The following GALNT13 variants were observed in gnomAD, a reference collection of about 807,000 sequenced individuals.
The protein encoded by GALNT13 is polypeptide N-acetylgalactosaminyltransferase 13, also known as UDP-GalNAc:polypeptide N-acetylgalactosaminyltransferase 13.
GALNT13 carries 28 observed loss-of-function variants against 64.2 expected under a neutral mutation model. The observed-to-expected ratio is 0.44, with a 90% confidence interval of 0.32 to 0.60. The LOEUF (loss-of-function observed/expected upper bound fraction) is 0.60, where lower values mean the gene tolerates loss of function less well. GALNT13 is among the 20% of genes least tolerant of loss of function. The pLI is 0.05. For synonymous variants in GALNT13, 214 were observed against 224.6 expected (o/e 0.95, Z 0.42); for missense variants, 577 against 669.8 (o/e 0.86, Z 1.53).
chr2:154,409,119 G>A, intron 11 of GALNT13, 37 bp downstream of exon 11: 3 of 1,247,004 alleles, frequency 2.4e-6, no homozygotes, highest in Non-Finnish European at 2.4e-6. Context: ...ATGTTTTAGA[G>A]GGAAAATATT....
At chr2:153,840,675 G>C in the GALNT13 span, among the ~76,000 whole-genome samples, 4 of 152,084 alleles carry the variant, frequency 2.6e-5, no homozygotes, top group African/African-American at 9.7e-5. Context: ...GCTTATAAAA[G>C]CATCTTTAAA....
intron 1 of GALNT13, among the ~76,000 whole-genome samples, chr2:153,876,749 A>T (rs916066609): frequency 6.6e-6 from 1 of 152,106 alleles, no homozygotes; most frequent in African/African-American, 2.4e-5. Flanking sequence ...ATTTATAGCT[A>T]TGAGTTTTTC....
At chr2:153,129,882 A>G in the GALNT13 span, among the ~76,000 whole-genome samples, 1 of 152,350 alleles carries the variant, frequency 6.6e-6, no homozygotes, top group African/African-American at 2.4e-5. Flanking sequence ...AGAATAAAGC[A>G]ACACATACAA....
At chr2:153,820,829 C>T in the GALNT13 span, among the ~76,000 whole-genome samples, 3 of 152,030 alleles carry the variant, frequency 2.0e-5, no homozygotes, top group African/African-American at 7.2e-5. Context: ...CAACCAGCTA[C>T]AAATATGACA....
chr2:154,294,867 C>A (rs917283267), intron 8 of GALNT13, among the ~76,000 whole-genome samples: 1 of 152,164 alleles, frequency 6.6e-6, no homozygotes, highest in East Asian at 1.9e-4. Flanking sequence ...GTCTTATGAT[C>A]TTCTTTTAGG....
At chr2:153,201,376 G>A in the GALNT13 span, among the ~76,000 whole-genome samples, 12 of 152,142 alleles carry the variant, frequency 7.9e-5, no homozygotes, top group African/African-American at 1.9e-4. Flanking sequence ...TACAGAAAAC[G>A]GAAAGCTAAA....
the GALNT13 span, among the ~76,000 whole-genome samples, chr2:153,858,463 C>T: frequency 1.3e-5 from 2 of 152,256 alleles, no homozygotes; most frequent in Admixed American, 1.3e-4. Context: ...CAGTAGTCCC[C>T]TCTTATTTTT....
the GALNT13 span, among the ~76,000 whole-genome samples, chr2:153,121,990 C>T: frequency 1.3e-5 from 2 of 151,860 alleles, no homozygotes; most frequent in Admixed American, 1.3e-4. Flanking sequence ...TGTACCATAC[C>T]TTTTATTTCA....
the GALNT13 span, among the ~76,000 whole-genome samples, chr2:153,403,133 T>C: frequency 6.6e-6 from 1 of 151,590 alleles, no homozygotes; most frequent in African/African-American, 2.4e-5. Context: ...TGTTTGTTAG[T>C]TTTCCTTCTA....
intron 10 of GALNT13, among the ~76,000 whole-genome samples, chr2:154,401,538 A>G (rs779336157): frequency 4.6e-5 from 7 of 152,150 alleles, no homozygotes; most frequent in African/African-American, 7.2e-5. Flanking sequence ...ACCTTAAAGT[A>G]TGTTGGGCTA....
chr2:154,146,618 A>G (rs1252881706), intron 4 of GALNT13, among the ~76,000 whole-genome samples: 1 of 151,796 alleles, frequency 6.6e-6, no homozygotes, highest in African/African-American at 2.4e-5. Context: ...AAACCTCTCT[A>G]CTCTTCCCCA....
At chr2:154,176,850 C>T (rs1021771705) in intron 4 of GALNT13, among the ~76,000 whole-genome samples, 3 of 152,096 alleles carry the variant, frequency 2.0e-5, no homozygotes, top group Non-Finnish European at 4.4e-5. Context: ...TACTTAGTGA[C>T]TTCATTTTAT....
the GALNT13 span, among the ~76,000 whole-genome samples, chr2:153,515,779 TTCCCTGC>T: frequency 6.6e-6 from 1 of 152,114 alleles, no homozygotes. Context: ...CCAGAAGGTG[TTCCCTGC>T]TAAGAGAATG....
chr2:154,187,367 AAAACAC>A (rs1686309161), intron 4 of GALNT13, among the ~76,000 whole-genome samples: 1 of 111,588 alleles, frequency 9.0e-6, no homozygotes, highest in Admixed American at 1.2e-4. Context: ...GAGATAGGAG[AAAACAC>A]ACACACACAC....
At chr2:153,546,241 G>C in the GALNT13 span, among the ~76,000 whole-genome samples, 2 of 152,150 alleles carry the variant, frequency 1.3e-5, no homozygotes, top group Admixed American at 1.3e-4. Flanking sequence ...GTAATTATTT[G>C]CTTAGAATGA....
chr2:153,410,155 A>G, the GALNT13 span, among the ~76,000 whole-genome samples: 80,469 of 151,938 alleles, frequency 0.53, 23,714 homozygotes, highest in African/African-American at 0.81. Context: ...GCAATATCAC[A>G]ACTCACTGTA....
chr2:153,427,218 A>G, the GALNT13 span, among the ~76,000 whole-genome samples: 1 of 152,196 alleles, frequency 6.6e-6, no homozygotes, highest in East Asian at 1.9e-4. Flanking sequence ...CTACAGTGTA[A>G]TCAGGTTGAC....
At chr2:153,546,672 A>C in the GALNT13 span, among the ~76,000 whole-genome samples, 1 of 152,188 alleles carries the variant, frequency 6.6e-6, no homozygotes, top group Non-Finnish European at 1.5e-5. Context: ...GTGCACATCA[A>C]GTTTTGTGTT....
chr2:154,323,393 T>G lies in GALNT13; in HGVS notation c.1156+21804T>G, dbSNP rs1694725525. On this transcript the variant is annotated intron_variant, in intron 9 of 12. Coordinates refer to ENST00000392825, the MANE Select transcript of GALNT13 (RefSeq NM_052917.4). Reference sequence around the variant, plus strand: ...AGTAAAGAGGGTTGAGTTCTCAGTTTATTGCACATTAACATTTTGGTCCCT... The same window carrying G: ...AGTAAAGAGGGTTGAGTTCTCAGTTGATTGCACATTAACATTTTGGTCCCT... 3.9e-5 allele frequency among the ~76,000 whole-genome samples: 6 copies of G among 152,084 alleles called. No individual in the cohort carries two copies. The South Asian group carries it at 1.2e-3, about 32-fold the overall frequency.
Sources: allele counts gnomAD v4.1 joint callset (sites outside exome capture counted in the v4.1 genomes callset), GRCh38; gene constraint gnomAD v4.1.1; transcripts MANE v1.5; gene names NCBI Gene and HGNC (gene_info 2026-07-23, HGNC 2026-07-21).